Variants in ARHGAP29 observed in about 807,000 individuals in gnomAD.
The protein encoded by ARHGAP29 is Rho GTPase activating protein 29, also known as rho GTPase-activating protein 29.
In ARHGAP29, 43 loss-of-function variants were observed where a neutral mutation model predicts 122.6. The ratio of observed to expected loss-of-function variants is 0.35; its 90% CI spans 0.27 to 0.45. The LOEUF (loss-of-function observed/expected upper bound fraction) is 0.45, where lower values mean the gene tolerates loss of function less well. Ranked by LOEUF, ARHGAP29 falls within the 20% of genes least tolerant of loss-of-function variation. The pLI, the probability that ARHGAP29 is intolerant of heterozygous loss-of-function variation, is 1.00. For missense variants in ARHGAP29, 1,303 were observed against 1,477.2 expected, an observed-to-expected ratio of 0.88 and a Z score of 1.93; for synonymous variants, 506 against 497.1, an observed-to-expected ratio of 1.02 and a Z score of -0.24.
chr1:94,188,685 A>C, intron 15 of ARHGAP29, 152 bp downstream of exon 15: 7 of 640,244 alleles, frequency 1.1e-5, no homozygotes, highest in Non-Finnish European at 1.1e-5. Context: ...TGGCGAATAT[A>C]TGAGGGGTTT....
chr1:94,258,384 T>A (rs932695678), intron 1 of ARHGAP29, among the ~76,000 whole-genome samples: 2 of 152,216 alleles, frequency 1.3e-5, no homozygotes, highest in Non-Finnish European at 2.9e-5. Flanking sequence ...ATGTGGACAA[T>A]AAATTCCAAA....
the ARHGAP29 span, among the ~76,000 whole-genome samples, chr1:94,291,178 T>C: frequency 6.6e-6 from 1 of 152,252 alleles, no homozygotes; most frequent in African/African-American, 2.4e-5. Context: ...TGTAATGGCC[T>C]TCTTTGTCTC....
In ARHGAP29 at chr1:94,185,202, A is replaced by C. The variant is rs897009363; in HGVS notation, c.1920+140T>G. ...TGAAACAGATTTAACAACAAAATAA[A>C]ATATAAAATTATAGAAGGTGTACTG... On this transcript the variant is annotated intron_variant, in intron 17 of 22. Transcript: ENST00000260526. The C allele has an allele frequency of 3.3e-6, 4 of 1,214,068 alleles. No individual in the cohort carries two copies. The African/African-American group carries it at 6.3e-5, about 19-fold the overall frequency. The allele number at this position is 1,214,068 out of a possible 1,614,324, so 75.2% of individuals were successfully genotyped here.
intron 1 of ARHGAP29, among the ~76,000 whole-genome samples, chr1:94,265,694 C>T (rs1021687874): frequency 3.9e-5 from 6 of 152,170 alleles, no homozygotes; most frequent in Non-Finnish European, 5.9e-5. Flanking sequence ...TTGTGGGGGT[C>T]TCCCACCTTT....
In ARHGAP29 at chr1:94,256,589, G is replaced by A. The variant is rs982705804; in HGVS notation, c.-33+18423C>T. Among the ~76,000 whole-genome samples, 6 of 94,630 alleles carry A rather than the reference G, an allele frequency of 6.3e-5. No homozygotes were observed. In the East Asian group the frequency reaches 2.2e-3, roughly 35 times the overall value. 62.1% of individuals were successfully genotyped at this position (94,630 alleles called of 152,430 possible). A position where few individuals can be genotyped will look rare whatever the true frequency, so the allele number is the denominator to read the frequency against. On this transcript the variant is annotated intron_variant and NMD_transcript_variant, in intron 1 of 25. Transcript: ENST00000552844. ...TTTTTTTTTTTTGAGACAGAGTCTCGCTCTGTCTCCCAGGCTGGAGTGCAG... is the reference window on the plus strand; with the variant it reads ...TTTTTTTTTTTTGAGACAGAGTCTCACTCTGTCTCCCAGGCTGGAGTGCAG...
chr1:94,236,402 C>T (rs10782981), intron 1 of ARHGAP29, among the ~76,000 whole-genome samples: 148,452 of 152,164 alleles, frequency 0.98, 72,543 homozygotes, highest in Middle Eastern at 1. Context: ...AGAATTTAAA[C>T]AAAGAGGGAA....
chr1:94,314,089 C>T, the ARHGAP29 span, among the ~76,000 whole-genome samples: 9 of 152,124 alleles, frequency 5.9e-5, no homozygotes, highest in African/African-American at 1.9e-4. Context: ...TAAACCTGCA[C>T]GTTGTGCACA....
rs938711628 is a variant in ARHGAP29, at chr1:94,190,081, T to C, written c.1284A>G (p.Val428=). Residue 428 remains valine (V), a splice_region_variant and synonymous_variant, in exon 13 of 23, where the codon GTA becomes GTG. Transcript: ENST00000260526. ...GCTGCATGTGGAAGAGGTTAACTGT[T>C]ACCTATGGACCCAGAGACAAAAGGC... ...VFQCDLTLKA[V]TVNLFHMQHL... The C allele has an allele frequency of 2.5e-6, 4 of 1,612,918 alleles. No individual in the cohort carries two copies. The highest frequency in any genetic ancestry group is 1.7e-6 in the Non-Finnish European group (2 of 1,179,308).
chr1:94,192,927 G>A (rs1650210494), intron 12 of ARHGAP29: 2 of 152,002 alleles, frequency 1.3e-5, no homozygotes, highest in South Asian at 4.1e-4. Flanking sequence ...CAAAGAACCA[G>A]GAAAATCTCA....
chr1:94,238,079 T>G (rs1351494605), upstream of ARHGAP29, among the ~76,000 whole-genome samples: 2 of 117,980 alleles, frequency 1.7e-5, no homozygotes, highest in Non-Finnish European at 3.4e-5. Context: ...TTTTTTTTTT[T>G]GGAGACGGAG....
chr1:94,242,499 T>C (rs1238231876), upstream of ARHGAP29, among the ~76,000 whole-genome samples: 1 of 151,906 alleles, frequency 6.6e-6, no homozygotes, highest in African/African-American at 2.4e-5. Context: ...TCTTACATTA[T>C]AGGTAAAGTA....
At chr1:94,304,632 G>T in the ARHGAP29 span, among the ~76,000 whole-genome samples, 1 of 152,218 alleles carries the variant, frequency 6.6e-6, no homozygotes, top group Admixed American at 6.5e-5. Context: ...GTGGAGAGCA[G>T]GTATTGTATC....
chr1:94,295,132 G>A, the ARHGAP29 span, among the ~76,000 whole-genome samples: 1 of 152,182 alleles, frequency 6.6e-6, no homozygotes, highest in African/African-American at 2.4e-5. Flanking sequence ...CCAACTAGAA[G>A]GATTGGAGTT....
intron 1 of ARHGAP29, among the ~76,000 whole-genome samples, chr1:94,242,740 T>C (rs1380115582): frequency 6.6e-6 from 1 of 151,078 alleles, no homozygotes; most frequent in Non-Finnish European, 1.5e-5. Flanking sequence ...ATATAAATAA[T>C]ATAAACAGCC....
chr1:94,291,756 C>T, the ARHGAP29 span, among the ~76,000 whole-genome samples: 1 of 152,206 alleles, frequency 6.6e-6, no homozygotes, highest in Non-Finnish European at 1.5e-5. Context: ...AAATTCTTTT[C>T]TTTAAGAATG....
At chr1:94,227,302 C>T (rs967853294) in intron 2 of ARHGAP29, among the ~76,000 whole-genome samples, 4 of 151,580 alleles carry the variant, frequency 2.6e-5, no homozygotes. Flanking sequence ...GTGATACACT[C>T]TTAAATTAGA....
At chr1:94,203,055 T>C (rs1354254956) in intron 9 of ARHGAP29, 45 bp downstream of exon 9, 8 of 1,598,376 alleles carry the variant, frequency 5.0e-6, no homozygotes, top group South Asian at 1.1e-5. Context: ...TGGCATGCCA[T>C]TGCTTAAAAA....
intron 5 of ARHGAP29, among the ~76,000 whole-genome samples, chr1:94,207,001 T>TTTTATTTATTTATTTA (rs542199991): frequency 1.2e-4 from 18 of 150,150 alleles, no homozygotes; most frequent in Admixed American, 4.6e-4. Context: ...AAGGAGCAAC[T>TTTTATTTATTTATTTA]TTTATTTATT....
intron 12 of ARHGAP29, chr1:94,192,422 C>T (rs3789692): frequency 6.6e-6 from 1 of 151,970 alleles, no homozygotes; most frequent in African/African-American, 2.4e-5. Flanking sequence ...CCTTTCTGGC[C>T]CAAGGAACAA....
Sources: gnomAD v4.1 joint callset for allele counts (sites outside exome capture counted in the v4.1 genomes callset) on GRCh38, gnomAD v4.1.1 for gene constraint, MANE v1.5 for transcripts, NCBI Gene and HGNC (gene_info 2026-07-23, HGNC 2026-07-21) for gene names.